FDX1: variants seen among roughly 807,000 people sequenced by gnomAD.
The protein encoded by FDX1 is ferredoxin 1, also known as adrenodoxin, mitochondrial.
Under a neutral mutation model 14.9 loss-of-function variants are expected in FDX1, and 9 were observed. That is an observed-to-expected ratio of 0.60 (90% confidence interval 0.36 to 1.05). FDX1 has a LOEUF of 1.05. Ranked by LOEUF, FDX1 falls within the 50% of genes least tolerant of loss-of-function variation. The pLI is 0.01. For missense variants in FDX1, 204 were observed against 237.2 expected (o/e 0.86, Z 0.92); for synonymous variants, 92 against 99.4 (o/e 0.93, Z 0.44).
chr11:110,437,808 G>A (rs1025517928), intron 2 of FDX1, among the ~76,000 whole-genome samples: 3 of 152,090 alleles, frequency 2.0e-5, no homozygotes, highest in East Asian at 1.9e-4. Context: ...TCCCCCTCTG[G>A]TAGTGCCCAG....
At position 110,430,150 on chromosome 11, in the gene FDX1, G is replaced by T. The variant is rs1946319883; in HGVS notation, c.30G>T (p.Leu10=). ...CTGCCGCTGGGGGCGCCCGGCTGCT[G>T]CGCGCCGCTTCTGCTGTCCTCGGCG... MAAAGGARL[L]RAASAVLGGP... The change falls in exon 1 of 4, where the codon CTG becomes CTT. Residue 10 remains leucine, a synonymous_variant. Coordinates refer to ENST00000260270, the MANE Select transcript of FDX1 (RefSeq NM_004109.5). 5 of 1,242,672 alleles carry T rather than the reference G, an allele frequency of 4.0e-6. No individual in the cohort carries two copies. The South Asian group carries it at 1.7e-4, about 43-fold the overall frequency. The allele number at this position is 1,242,672 out of a possible 1,614,324, so 77.0% of individuals were successfully genotyped here.
At chr11:110,441,279 A>G (rs563851795) in intron 2 of FDX1, among the ~76,000 whole-genome samples, 1 of 152,354 alleles carries the variant, frequency 6.6e-6, no homozygotes, top group Admixed American at 6.5e-5. Context: ...TGCTGCTGAA[A>G]AGATACCCCA....
intron 2 of FDX1, among the ~76,000 whole-genome samples, chr11:110,444,159 T>C (rs11213403): frequency 0.17 from 25,406 of 152,054 alleles, 2,206 homozygotes; most frequent in East Asian, 0.25. Context: ...GAAGAGTATT[T>C]CCTTGATTGT....
intron 2 of FDX1, among the ~76,000 whole-genome samples, chr11:110,444,991 G>T (rs893068124): frequency 2.0e-5 from 3 of 151,588 alleles, no homozygotes; most frequent in Admixed American, 2.0e-4. Context: ...AATTCTATAT[G>T]AATTTTAGAA....
intron 3 of FDX1, among the ~76,000 whole-genome samples, chr11:110,458,239 T>A (rs556073595): frequency 6.6e-6 from 1 of 152,360 alleles, no homozygotes; most frequent in African/African-American, 2.4e-5. Flanking sequence ...TACAGTTAGA[T>A]ACAAAAGGTC....
rs1946570468 is a variant in FDX1 at position 110,463,508 on chromosome 11, A to C, written c.*1040A>C. ...AAAAGTTAACAAAGGGGTACACAGT[A>C]TGGTCTTTGGAAATATAATAAAACA... is the stretch of plus-strand genomic sequence containing the variant. On this transcript the variant is annotated 3_prime_UTR_variant, in exon 4 of 4. Transcript: ENST00000260270. 6.6e-6 allele frequency: 1 copy of C among 152,266 alleles called. No individual in the cohort carries two copies. Among genetic ancestry groups the C allele is most frequent in the African/African-American group, 2.4e-5 (1 of 41,468 alleles). The allele number at this position is 152,266 out of a possible 1,614,324, so 9.4% of individuals were successfully genotyped here.
At chr11:110,445,416 A>T (rs1337829044) in intron 2 of FDX1, among the ~76,000 whole-genome samples, 1 of 152,000 alleles carries the variant, frequency 6.6e-6, no homozygotes, top group Non-Finnish European at 1.5e-5. Context: ...TTTTTTTTAA[A>T]CCGCAGGTGA....
intron 3 of FDX1, among the ~76,000 whole-genome samples, chr11:110,461,043 C>T (rs1335511233): frequency 6.6e-6 from 1 of 152,092 alleles, no homozygotes; most frequent in East Asian, 1.9e-4. Flanking sequence ...GAAGACATGT[C>T]AATTGTAAGA....
At chr11:110,435,752 G>A in intron 1 of FDX1, 82 bp from the exon 2 acceptor site, 4 of 1,040,522 alleles carry the variant, frequency 3.8e-6, no homozygotes, top group Non-Finnish European at 5.5e-6. Context: ...CTACTCTGGA[G>A]GCCTTATAGG....
At chr11:110,453,480 T>G (rs1427838313) in intron 2 of FDX1, among the ~76,000 whole-genome samples, 1 of 151,842 alleles carries the variant, frequency 6.6e-6, no homozygotes, top group Non-Finnish European at 1.5e-5. Context: ...ACTTTTTTTT[T>G]TTTTCTTAAA....
chr11:110,447,004 G>A (rs186992768), intron 2 of FDX1, among the ~76,000 whole-genome samples: 3 of 151,902 alleles, frequency 2.0e-5, no homozygotes. Flanking sequence ...GTGAAAACCC[G>A]TCTCTACTAA....
chr11:110,444,206 G>A (rs1253076119), intron 2 of FDX1, among the ~76,000 whole-genome samples: 2 of 152,018 alleles, frequency 1.3e-5, no homozygotes, highest in Non-Finnish European at 2.9e-5. Context: ...TTAAATCTTT[G>A]ATCCATTTTG....
chr11:110,447,749 T>G (rs1410723199), intron 2 of FDX1, among the ~76,000 whole-genome samples: 1 of 152,192 alleles, frequency 6.6e-6, no homozygotes, highest in Non-Finnish European at 1.5e-5. Context: ...ATTTATGTAC[T>G]TCCTTAGCGA....
intron 3 of FDX1, among the ~76,000 whole-genome samples, chr11:110,459,171 A>G (rs935135): frequency 0.22 from 32,963 of 151,848 alleles, 3,834 homozygotes; most frequent in East Asian, 0.37. Context: ...CCCTGCCACC[A>G]GTTTGCATGG....
At chr11:110,451,635 G>T (rs1238623571) in intron 2 of FDX1, among the ~76,000 whole-genome samples, 1 of 152,136 alleles carries the variant, frequency 6.6e-6, no homozygotes, top group Non-Finnish European at 1.5e-5. Flanking sequence ...ATACGTGCAT[G>T]TATATGTTCA....
chr11:110,439,666 C>T (rs77755553), intron 2 of FDX1, among the ~76,000 whole-genome samples: 3,226 of 152,136 alleles, frequency 0.021, 111 homozygotes, highest in African/African-American at 0.07. Flanking sequence ...TTTAATGTGT[C>T]GAAGCTCTTT....
At chr11:110,438,366 A>G (rs145564351) in intron 2 of FDX1, among the ~76,000 whole-genome samples, 1 of 152,236 alleles carries the variant, frequency 6.6e-6, no homozygotes, top group Non-Finnish European at 1.5e-5. Flanking sequence ...TTTGATTTGC[A>G]GAGTGGAGTA....
intron 2 of FDX1, among the ~76,000 whole-genome samples, chr11:110,444,247 G>A (rs1352304320): frequency 6.6e-6 from 1 of 152,028 alleles, no homozygotes; most frequent in African/African-American, 2.4e-5. Flanking sequence ...GAAAGGTAGG[G>A]AGTCCAAGTT....
chr11:110,444,650 G>GTGTATA (rs1264040116), intron 2 of FDX1, among the ~76,000 whole-genome samples: 1 of 53,832 alleles, frequency 1.9e-5, no homozygotes, highest in Admixed American at 2.6e-4. Flanking sequence ...GTGTGTGTGT[G>GTGTATA]TATATATATA....
Sources: allele counts gnomAD v4.1 joint callset (sites outside exome capture counted in the v4.1 genomes callset), GRCh38; gene constraint gnomAD v4.1.1; transcripts MANE v1.5; gene names NCBI Gene and HGNC (gene_info 2026-07-23, HGNC 2026-07-21).